RAPGEF2: variants seen among roughly 807,000 people sequenced by gnomAD.
The protein encoded by RAPGEF2 is Rap guanine nucleotide exchange factor 2.
In RAPGEF2, 54 loss-of-function variants were observed where a neutral mutation model predicts 186.7. That is an observed-to-expected ratio of 0.29 (90% confidence interval 0.23 to 0.36). The LOEUF (loss-of-function observed/expected upper bound fraction) is 0.36, where lower values mean the gene tolerates loss of function less well. Among genes scored for constraint, RAPGEF2 ranks in the 10% least tolerant of loss-of-function variants. RAPGEF2 has a pLI of 1.00. For missense variants in RAPGEF2, 1,532 were observed against 2,045.0 expected (o/e 0.75, Z 4.84); for synonymous variants, 712 against 705.9 (o/e 1.01, Z -0.14).
chr4:159,203,132 G>A (rs868857125), intron 3 of RAPGEF2, among the ~76,000 whole-genome samples: 2 of 152,168 alleles, frequency 1.3e-5, no homozygotes, highest in Non-Finnish European at 1.5e-5. Flanking sequence ...AATGTGGAGC[G>A]GCACACACAG....
chr4:159,120,509 T>C (rs1465965929), intron 1 of RAPGEF2, among the ~76,000 whole-genome samples: 1 of 152,204 alleles, frequency 6.6e-6, no homozygotes, highest in Non-Finnish European at 1.5e-5. Flanking sequence ...TTGTGTCCTA[T>C]CTTAGGACAT....
At chr4:159,256,363 G>A (rs767225507) in intron 7 of RAPGEF2, among the ~76,000 whole-genome samples, 3 of 152,212 alleles carry the variant, frequency 2.0e-5, no homozygotes, top group Non-Finnish European at 4.4e-5. Flanking sequence ...CCATGTCTCT[G>A]CAAAGGACAT....
intron 7 of RAPGEF2, among the ~76,000 whole-genome samples, chr4:159,279,062 C>G (rs909561660): frequency 7.2e-5 from 11 of 152,066 alleles, no homozygotes; most frequent in Non-Finnish European, 1.6e-4. Flanking sequence ...TTTACTAGTT[C>G]ATTATTAGAG....
intron 10 of RAPGEF2, among the ~76,000 whole-genome samples, chr4:159,322,799 A>G (rs1180410841): frequency 6.6e-6 from 1 of 152,174 alleles, no homozygotes; most frequent in Non-Finnish European, 1.5e-5. Context: ...AAAAATGAGG[A>G]AGATACAAAA....
At chr4:159,295,995 A>G (rs1190423562) in intron 7 of RAPGEF2, among the ~76,000 whole-genome samples, 6 of 152,208 alleles carry the variant, frequency 3.9e-5, no homozygotes, top group Non-Finnish European at 7.3e-5. Flanking sequence ...TGGAATGTTT[A>G]TAATTCACAT....
rs112660388 is a variant in RAPGEF2 at position 159,250,301 on chromosome 4, C to T, written c.543+6510C>T. Among the ~76,000 whole-genome samples, 496 of 152,136 alleles carry T rather than the reference C, an allele frequency of 3.3e-3. 2 individuals carry two copies. The highest frequency in any genetic ancestry group is 0.011 in the African/African-American group (447 of 41,504). ...CTTATGTAACCAAATACCACCTGTA[C>T]CCCAATAACTTATGGAAAAATAAAA... On this transcript the variant is annotated intron_variant, in intron 7 of 29. Coordinates refer to ENST00000691494, the MANE Select transcript of RAPGEF2 (RefSeq NM_001394067.2).
intron 7 of RAPGEF2, among the ~76,000 whole-genome samples, chr4:159,248,896 A>G (rs1754969409): frequency 6.6e-6 from 1 of 152,180 alleles, no homozygotes; most frequent in South Asian, 2.1e-4. Context: ...TATATATTAC[A>G]TCATCTCTGC....
rs1463683364 is a variant in RAPGEF2, at chr4:159,339,350, G to A, written c.2530G>A (p.Gly844Arg). ...SKLADRIQLS[G>R]RYYLKNNMET... ...ACTTGCAGACAGAATACAACTGAGTGGAAGGTATATATTATCTACCTTACT... is the reference window on the plus strand; with the variant it reads ...ACTTGCAGACAGAATACAACTGAGTAGAAGGTATATATTATCTACCTTACT... Residue 844 changes from glycine (G) to arginine (R), a missense_variant, in exon 19 of 30, where the codon GGA (glycine) becomes AGA (arginine). Physicochemically the swap from Gly to Arg is moderately radical, Grantham distance 125. This residue lies in a region of RAPGEF2 where 810 missense variants were observed against 1,210.5 expected (regional missense o/e 0.67). Transcript: ENST00000691494. The A allele has an allele frequency of 6.2e-7, 1 of 1,613,308 alleles. No homozygotes were observed. Among genetic ancestry groups the A allele is most frequent in the Non-Finnish European group, 8.5e-7 (1 of 1,179,736 alleles).
chr4:159,137,423 A>C lies in RAPGEF2; in HGVS notation c.69+33192A>C, dbSNP rs572884283. ...TGTGTCTCTCCTCTTGTATAAGAAC[A>C]CCAGTCCAACTGGACCAGGGCCCCT... On this transcript the variant is annotated intron_variant, in intron 1 of 29. Coordinates refer to ENST00000691494, the MANE Select transcript of RAPGEF2 (RefSeq NM_001394067.2). Among the ~76,000 whole-genome samples, 6 of 152,206 alleles carry C rather than the reference A, an allele frequency of 3.9e-5. No homozygotes were observed. The East Asian group carries it at 1.2e-3, about 29-fold the overall frequency.
intron 29 of RAPGEF2, among the ~76,000 whole-genome samples, chr4:159,356,683 T>C (rs752184831): frequency 2.3e-4 from 35 of 152,122 alleles, no homozygotes; most frequent in Non-Finnish European, 3.1e-4. Context: ...GGCAGATTAC[T>C]TGAGCTCAGG....
intron 4 of RAPGEF2, among the ~76,000 whole-genome samples, chr4:159,212,619 T>C (rs915532341): frequency 6.6e-6 from 1 of 152,220 alleles, no homozygotes; most frequent in Non-Finnish European, 1.5e-5. Context: ...TTTATAACTT[T>C]TAGTGCCTAT....
chr4:159,105,167 C>T (rs1737742300), intron 1 of RAPGEF2, among the ~76,000 whole-genome samples: 1 of 152,180 alleles, frequency 6.6e-6, no homozygotes, highest in Non-Finnish European at 1.5e-5. Flanking sequence ...CCTTTAGTTG[C>T]TGACTGGATA....
intron 1 of RAPGEF2, among the ~76,000 whole-genome samples, chr4:159,146,633 T>C (rs1283096919): frequency 6.6e-6 from 1 of 152,228 alleles, no homozygotes; most frequent in East Asian, 1.9e-4. Flanking sequence ...GTAATAATAG[T>C]AGCATGGAGA....
intron 4 of RAPGEF2, among the ~76,000 whole-genome samples, chr4:159,222,639 T>C (rs2111407983): frequency 6.6e-6 from 1 of 152,322 alleles, no homozygotes; most frequent in South Asian, 2.1e-4. Flanking sequence ...GTGCCCCGGT[T>C]GTTTTTGGAG....
At chr4:159,245,111 C>T (rs10446751) in intron 7 of RAPGEF2, among the ~76,000 whole-genome samples, 93,437 of 151,656 alleles carry the variant, frequency 0.62, 29,936 homozygotes, top group African/African-American at 0.74. Context: ...ATTTAAAATG[C>T]GCACTGAGTT....
chr4:159,327,696 T>A (rs1285607932), intron 11 of RAPGEF2: 1 of 152,044 alleles, frequency 6.6e-6, no homozygotes, highest in East Asian at 1.9e-4. Context: ...GACTTCATCA[T>A]ATTAGTTAAA....
In RAPGEF2 at chr4:159,322,592, G is replaced by A. The variant is rs1276782916; in HGVS notation, c.990+109G>A. On this transcript the variant is annotated intron_variant, in intron 10 of 29. Transcript: ENST00000691494. ...TTTTCCTTTTTAATACCCAACAACA[G>A]TAAGTTTGAATAATTCAAGAATTAT... 4.7e-6 allele frequency: 4 copies of A among 845,714 alleles called. No individual in the cohort carries two copies. The Admixed American group carries it at 7.0e-5, about 15-fold the overall frequency. The allele number at this position is 845,714 out of a possible 1,614,324, so 52.4% of individuals were successfully genotyped here.
At chr4:159,153,479 T>C (rs537718306) in intron 1 of RAPGEF2, among the ~76,000 whole-genome samples, 31 of 152,344 alleles carry the variant, frequency 2.0e-4, no homozygotes, top group African/African-American at 7.0e-4. Flanking sequence ...ATCAAATTAA[T>C]GTCTACTTTG....
intron 17 of RAPGEF2, among the ~76,000 whole-genome samples, chr4:159,333,210 C>T (rs1208124624): frequency 6.6e-6 from 1 of 152,024 alleles, no homozygotes; most frequent in Non-Finnish European, 1.5e-5. Flanking sequence ...GAACTCCTGA[C>T]CTCGTGATCC....
Sources: gnomAD v4.1 joint callset for allele counts (sites outside exome capture counted in the v4.1 genomes callset) on GRCh38, gnomAD v4.1.1 for gene constraint, gnomAD v4.1.1 regional missense constraint, MANE v1.5 for transcripts, NCBI Gene and HGNC (gene_info 2026-07-23, HGNC 2026-07-21) for gene names.